Variants in ANKS1B observed in about 807,000 individuals in gnomAD.
ANKS1B encodes the protein ankyrin repeat and sterile alpha motif domain containing 1B, also known as ankyrin repeat and sterile alpha motif domain-containing protein 1B.
ANKS1B carries 36 observed loss-of-function variants against 148.3 expected under a neutral mutation model. The ratio of observed to expected loss-of-function variants is 0.24; its 90% CI spans 0.19 to 0.32. The LOEUF (loss-of-function observed/expected upper bound fraction) is 0.32. ANKS1B is among the 10% of genes least tolerant of loss of function. ANKS1B has a pLI of 1.00. For synonymous variants in ANKS1B, 542 were observed against 560.8 expected (o/e 0.97, Z 0.47); for missense variants, 1,157 against 1,542.6 (o/e 0.75, Z 4.19).
chr12:99,803,773 A>C (rs1467397493), intron 4 of ANKS1B, among the ~76,000 whole-genome samples: 4 of 152,202 alleles, frequency 2.6e-5, no homozygotes. Flanking sequence ...CCTAAAATTC[A>C]AAGTCGTGTT....
At chr12:99,837,052 T>G (rs937609869) in intron 1 of ANKS1B, among the ~76,000 whole-genome samples, 1 of 152,122 alleles carries the variant, frequency 6.6e-6, no homozygotes, top group Non-Finnish European at 1.5e-5. Flanking sequence ...TATCCCGGAT[T>G]ACCCAGGTGG....
chr12:99,069,018 C>T (rs534074114), intron 16 of ANKS1B, among the ~76,000 whole-genome samples: 2 of 152,328 alleles, frequency 1.3e-5, no homozygotes, highest in South Asian at 4.1e-4. Flanking sequence ...GCAGGCAGAA[C>T]TCCTTGAGGC....
At chr12:99,525,946 T>C (rs1275481148) in intron 9 of ANKS1B, among the ~76,000 whole-genome samples, 1 of 151,976 alleles carries the variant, frequency 6.6e-6, no homozygotes, top group Non-Finnish European at 1.5e-5. Context: ...ATCTCTTTAA[T>C]ATATATAAAG....
intron 15 of ANKS1B, among the ~76,000 whole-genome samples, chr12:99,149,804 C>A (rs2074332897): frequency 6.6e-6 from 1 of 152,048 alleles, no homozygotes; most frequent in Admixed American, 6.6e-5. Flanking sequence ...GATTTTACCT[C>A]TTCTATTATC....
intron 8 of ANKS1B, among the ~76,000 whole-genome samples, chr12:99,659,220 C>T (rs761185874): frequency 1.3e-5 from 2 of 151,986 alleles, no homozygotes; most frequent in Non-Finnish European, 2.9e-5. Context: ...CATTTCTTTA[C>T]AGTTAAAGAT....
chr12:99,755,594 C>CAAAAAAAAAAAAAAAAAAAAAAAAA (rs369571107), intron 8 of ANKS1B, among the ~76,000 whole-genome samples: 1 of 123,258 alleles, frequency 8.1e-6, no homozygotes, highest in Non-Finnish European at 1.7e-5. Context: ...CAAAAATCCT[C>CAAAAAAAAAAAAAAAAAAAAAAAAA]AAAAAAAAAA....
intron 15 of ANKS1B, among the ~76,000 whole-genome samples, chr12:99,085,771 C>G (rs1173252482): frequency 6.6e-6 from 1 of 152,058 alleles, no homozygotes; most frequent in Non-Finnish European, 1.5e-5. Flanking sequence ...GAACAGAAAA[C>G]CAAACACCAC....
chr12:99,378,779 T>C (rs906921556), intron 12 of ANKS1B, among the ~76,000 whole-genome samples: 7 of 151,862 alleles, frequency 4.6e-5, no homozygotes, highest in African/African-American at 1.5e-4. Context: ...TATGCATAGG[T>C]CACTTATTAT....
rs979744868 is a variant in ANKS1B, at chr12:99,554,992, C to T, written c.1273-50351G>A. Reference sequence around the variant, plus strand: ...GTGTTAGTTTGCTTAGGAGAATGGCCTCCAGCTCCATCTATGTTGCTGCAA... The same window carrying T: ...GTGTTAGTTTGCTTAGGAGAATGGCTTCCAGCTCCATCTATGTTGCTGCAA... On this transcript the variant is annotated intron_variant, in intron 9 of 26. Coordinates refer to ENST00000683438, the MANE Select transcript of ANKS1B (RefSeq NM_001352186.2). Among the ~76,000 whole-genome samples the T allele has an allele frequency of 2.6e-5, 4 of 152,166 alleles. No homozygotes were observed. The South Asian group carries it at 8.3e-4, about 32-fold the overall frequency.
At chr12:99,717,896 AC>A (rs2057550023) in intron 8 of ANKS1B, among the ~76,000 whole-genome samples, 1 of 117,860 alleles carries the variant, frequency 8.5e-6, no homozygotes, top group South Asian at 3.0e-4. Context: ...CTTAGACAAT[AC>A]TCTTTTTTTT....
intron 8 of ANKS1B, among the ~76,000 whole-genome samples, chr12:99,731,118 T>C (rs564015922): frequency 6.6e-6 from 1 of 151,404 alleles, no homozygotes; most frequent in South Asian, 2.1e-4. Context: ...TTTTGTTTTA[T>C]GTTTATTTGT....
chr12:99,567,353 G>C (rs892861752), intron 9 of ANKS1B, among the ~76,000 whole-genome samples: 17 of 152,066 alleles, frequency 1.1e-4, no homozygotes, highest in African/African-American at 3.9e-4. Flanking sequence ...CAACTGACTG[G>C]GGGCCTTAGT....
In ANKS1B at chr12:98,927,998, A is replaced by G. The variant is rs560890106; in HGVS notation, c.2779-95862T>C. Reference sequence around the variant, plus strand: ...AGGAAATCAACAAAACCAAAAGTGTATTCTTTGAAAAGATCAAGAAAGTTA... The same window carrying G: ...AGGAAATCAACAAAACCAAAAGTGTGTTCTTTGAAAAGATCAAGAAAGTTA... On this transcript the variant is annotated intron_variant, in intron 17 of 26. Coordinates refer to ENST00000683438, the MANE Select transcript of ANKS1B (RefSeq NM_001352186.2). Among the ~76,000 whole-genome samples the G allele has an allele frequency of 7.9e-5, 12 of 151,732 alleles. No individual in the cohort carries two copies. The East Asian group carries it at 1.9e-3, about 24-fold the overall frequency.
At chr12:99,557,289 T>A (rs1418757225) in intron 9 of ANKS1B, among the ~76,000 whole-genome samples, 1 of 152,198 alleles carries the variant, frequency 6.6e-6, no homozygotes, top group Non-Finnish European at 1.5e-5. Flanking sequence ...TTTCTCTCCC[T>A]CTCTTTCAGA....
chr12:99,542,451 A>G (rs1265346272), intron 9 of ANKS1B, among the ~76,000 whole-genome samples: 1 of 152,158 alleles, frequency 6.6e-6, no homozygotes, highest in Admixed American at 6.5e-5. Context: ...ATGGGTTAGA[A>G]GACACAATAT....
chr12:99,948,500 A>T (rs2095131260), intron 1 of ANKS1B, among the ~76,000 whole-genome samples: 1 of 152,196 alleles, frequency 6.6e-6, no homozygotes, highest in Admixed American at 6.5e-5. Context: ...CTCTTTGAAA[A>T]AGTTCCTCCA....
At chr12:99,444,635 T>A (rs924287209) in intron 10 of ANKS1B, among the ~76,000 whole-genome samples, 6 of 151,976 alleles carry the variant, frequency 3.9e-5, no homozygotes, top group African/African-American at 1.4e-4. Context: ...TGGTAGCACA[T>A]AGAAAAGTTA....
chr12:99,200,854 C>G (rs2081991293), intron 14 of ANKS1B, among the ~76,000 whole-genome samples: 1 of 152,160 alleles, frequency 6.6e-6, no homozygotes, highest in African/African-American at 2.4e-5. Context: ...AATTTCTTGA[C>G]TGTATGAAGG....
chr12:98,743,879 G>T, downstream of ANKS1B: 1 of 573,606 alleles, frequency 1.7e-6, no homozygotes, highest in Non-Finnish European at 2.2e-6. Context: ...AATTAAAAAA[G>T]TCCCTTTAGC....
Sources: allele counts gnomAD v4.1 joint callset (sites outside exome capture counted in the v4.1 genomes callset), GRCh38; gene constraint gnomAD v4.1.1; transcripts MANE v1.5; gene names NCBI Gene and HGNC (gene_info 2026-07-23, HGNC 2026-07-21).